ARHGAP26: variants seen among roughly 807,000 people sequenced by gnomAD.
ARHGAP26 encodes the protein rho GTPase-activating protein 26.
ARHGAP26 carries 38 observed loss-of-function variants against 104.8 expected under a neutral mutation model. The observed-to-expected ratio is 0.36, with a 90% CI of 0.28 to 0.48. The LOEUF (loss-of-function observed/expected upper bound fraction) is 0.48. Among genes scored for constraint, ARHGAP26 ranks in the 20% least tolerant of loss-of-function variants. The pLI is 0.99. For synonymous variants in ARHGAP26, 341 were observed against 340.0 expected (o/e 1.00, Z -0.03); for missense variants, 704 against 947.9 (o/e 0.74, Z 3.38).
chr5:143,113,381 A>G (rs3776308), intron 17 of ARHGAP26, among the ~76,000 whole-genome samples: 1 of 152,318 alleles, frequency 6.6e-6, no homozygotes, highest in East Asian at 1.9e-4. Flanking sequence ...AGAAGCAGAG[A>G]ACACTTTGCT....
chr5:142,978,009 T>G (rs985944945), intron 11 of ARHGAP26, among the ~76,000 whole-genome samples: 1 of 152,268 alleles, frequency 6.6e-6, no homozygotes, highest in Admixed American at 6.5e-5. Context: ...ACCTGGTTCC[T>G]CTTGACTCCT....
intron 17 of ARHGAP26, among the ~76,000 whole-genome samples, chr5:143,116,868 C>T (rs984017869): frequency 6.6e-6 from 1 of 152,218 alleles, no homozygotes; most frequent in African/African-American, 2.4e-5. Flanking sequence ...TACCTCCCTA[C>T]CCCCAACAAC....
chr5:142,916,371 C>G (rs117331853), intron 10 of ARHGAP26, among the ~76,000 whole-genome samples: 1 of 152,172 alleles, frequency 6.6e-6, no homozygotes, highest in Non-Finnish European at 1.5e-5. Context: ...GATTACCGTA[C>G]ATCAACGTAT....
chr5:142,989,563 C>G (rs1359044785), intron 11 of ARHGAP26, among the ~76,000 whole-genome samples: 1 of 152,168 alleles, frequency 6.6e-6, no homozygotes, highest in Non-Finnish European at 1.5e-5. Flanking sequence ...ACAGTTTCTT[C>G]CTAGCATCAA....
intron 12 of ARHGAP26, among the ~76,000 whole-genome samples, chr5:143,035,750 A>G (rs542326548): frequency 6.6e-5 from 10 of 152,202 alleles, no homozygotes; most frequent in East Asian, 1.9e-4. Context: ...AGCCTGGCCA[A>G]CATGGTGAAA....
intron 12 of ARHGAP26, among the ~76,000 whole-genome samples, chr5:143,019,506 C>T (rs1007909702): frequency 3.9e-5 from 6 of 152,278 alleles, no homozygotes; most frequent in African/African-American, 1.4e-4. Flanking sequence ...ATAAAATTTA[C>T]TCCCCAAAGA....
rs576154476 is a variant in ARHGAP26 at position 143,081,840 on chromosome 5, C to T, written c.1538+24093C>T. On this transcript the variant is annotated intron_variant, in intron 17 of 22. Transcript: ENST00000645722. ...CATCCTGCCGAACACAGTGAAACCC[C>T]GTCTCTACTAAAAATACAAAAAAAT... Among the ~76,000 whole-genome samples, 13 of 152,074 alleles carry T rather than the reference C, an allele frequency of 8.5e-5. No homozygotes were observed. The East Asian group carries it at 2.3e-3, about 27-fold the overall frequency.
Position 143,052,677 on chromosome 5 carries a change from C to T in ARHGAP26, c.1286-1762C>T, listed in dbSNP as rs190001385. Among the ~76,000 whole-genome samples the T allele has an allele frequency of 8.5e-5, 13 of 152,190 alleles. No individual in the cohort carries two copies. In the East Asian group the frequency reaches 1.2e-3, roughly 14 times the overall value. On this transcript the variant is annotated intron_variant, in intron 14 of 22. Transcript: ENST00000645722. ...GGAACACACGGAGAGCAGTAGATAC[C>T]AGCTGGATTTGTGCCCCTACCTGGT...
intron 11 of ARHGAP26, among the ~76,000 whole-genome samples, chr5:142,979,619 A>G (rs1341773570): frequency 1.3e-5 from 2 of 152,250 alleles, no homozygotes; most frequent in African/African-American, 2.4e-5. Flanking sequence ...ATATTTTTCA[A>G]ATTTCTTCCA....
At chr5:143,022,637 G>A (rs768436973) in intron 12 of ARHGAP26, among the ~76,000 whole-genome samples, 5 of 152,162 alleles carry the variant, frequency 3.3e-5, no homozygotes, top group Non-Finnish European at 7.3e-5. Flanking sequence ...TTTAAAATTA[G>A]TCTAAATGGG....
intron 19 of ARHGAP26, among the ~76,000 whole-genome samples, chr5:143,138,046 G>T (rs1385823447): frequency 2.0e-5 from 3 of 152,310 alleles, no homozygotes; most frequent in African/African-American, 7.2e-5. Flanking sequence ...GCCAGAAGGG[G>T]TTTTTCCTAC....
chr5:142,831,002 A>G (rs557056151), intron 1 of ARHGAP26, among the ~76,000 whole-genome samples: 2 of 152,334 alleles, frequency 1.3e-5, no homozygotes, highest in African/African-American at 4.8e-5. Flanking sequence ...CTCTGAATAC[A>G]AATTATAATA....
chr5:142,775,655 C>T (rs115455783), intron 1 of ARHGAP26, among the ~76,000 whole-genome samples: 2,375 of 152,306 alleles, frequency 0.016, 23 homozygotes, highest in Non-Finnish European at 0.026. Context: ...TCCCCCAACC[C>T]TAGTAACCTC....
At chr5:143,141,217 G>T (rs577268225) in intron 19 of ARHGAP26, among the ~76,000 whole-genome samples, 75 of 152,344 alleles carry the variant, frequency 4.9e-4, no homozygotes, top group Non-Finnish European at 8.8e-4. Flanking sequence ...GCTGTGGAAA[G>T]CTGGTGGCAG....
rs563215498 is a variant in ARHGAP26 at position 142,953,592 on chromosome 5, C to T, written c.1107+21467C>T. 2.6e-5 allele frequency among the ~76,000 whole-genome samples: 4 copies of T among 152,296 alleles called. No individual in the cohort carries two copies. The South Asian group carries it at 8.3e-4, about 32-fold the overall frequency. Reference sequence around the variant, plus strand: ...TTCTAATAGGCTCTTCAAGTCCTGACCCTGGAGAACACTGCCTGTTACGCT... The same window carrying T: ...TTCTAATAGGCTCTTCAAGTCCTGATCCTGGAGAACACTGCCTGTTACGCT... On this transcript the variant is annotated intron_variant, in intron 11 of 22. Coordinates refer to ENST00000645722, the MANE Select transcript of ARHGAP26 (RefSeq NM_001135608.3).
At chr5:143,076,435 T>G (rs960527179) in intron 17 of ARHGAP26, among the ~76,000 whole-genome samples, 3 of 152,098 alleles carry the variant, frequency 2.0e-5, no homozygotes, top group African/African-American at 7.2e-5. Context: ...TAGAGCAAAA[T>G]GCACAAAAAA....
intron 11 of ARHGAP26, among the ~76,000 whole-genome samples, chr5:143,002,272 C>T (rs1019042883): frequency 3.3e-5 from 5 of 151,980 alleles, no homozygotes; most frequent in Admixed American, 6.6e-5. Context: ...CTTTGGTGTG[C>T]TGCATACCAT....
At chr5:143,182,470 C>G (rs1257603666) in intron 20 of ARHGAP26, among the ~76,000 whole-genome samples, 4 of 152,196 alleles carry the variant, frequency 2.6e-5, no homozygotes, top group Admixed American at 2.6e-4. Context: ...TCACAGGATT[C>G]TCAGCACTTA....
rs752357316 is a variant in ARHGAP26, at chr5:142,894,306, G to T, written c.555G>T (p.Val185=). Residue 185 remains valine (V), a synonymous_variant, in exon 6 of 23, where the codon GTG becomes GTT. Transcript: ENST00000645722. The part of the protein sequence containing the change: ...YEVSLEYVFK[V]QEVQERKMFE... ...TATCCCTGGAATATGTCTTCAAGGTGCAGGAAGTCCAAGAGAGAAAGATGT... is the reference window on the plus strand; with the variant it reads ...TATCCCTGGAATATGTCTTCAAGGTTCAGGAAGTCCAAGAGAGAAAGATGT... The T allele has an allele frequency of 2.6e-4, 421 of 1,614,124 alleles. No homozygotes were observed. Among genetic ancestry groups the T allele is most frequent in the Non-Finnish European group, 3.4e-4 (405 of 1,179,986 alleles).
Sources: gnomAD v4.1 joint callset for allele counts (sites outside exome capture counted in the v4.1 genomes callset) on GRCh38, gnomAD v4.1.1 for gene constraint, MANE v1.5 for transcripts, NCBI Gene and HGNC (gene_info 2026-07-23, HGNC 2026-07-21) for gene names.